ATP2C2: variants seen among roughly 807,000 people sequenced by gnomAD.
ATP2C2 encodes the protein calcium-transporting ATPase type 2C member 2.
Under a neutral mutation model 110.8 loss-of-function variants are expected in ATP2C2, and 171 were observed. The ratio of observed to expected loss-of-function variants is 1.54; its 90% CI spans 1.36 to 1.75. The LOEUF is 1.75. Ranked by LOEUF, ATP2C2 falls within the 40% of genes most tolerant of loss-of-function variation. ATP2C2 has a pLI of 0.00. For synonymous variants in ATP2C2, 804 were observed against 508.4 expected, an observed-to-expected ratio of 1.58 and a Z score of -7.82; for missense variants, 1,963 against 1,235.0, an observed-to-expected ratio of 1.59 and a Z score of -8.84.
intron 11 of ATP2C2, among the ~76,000 whole-genome samples, chr16:84,427,656 G>A (rs1350842602): frequency 6.6e-6 from 1 of 152,170 alleles, no homozygotes; most frequent in Non-Finnish European, 1.5e-5. Flanking sequence ...GGTGGAGTTT[G>A]CAGTGAGCCG....
chr16:84,386,571 C>G (rs1269159572), intron 1 of ATP2C2, among the ~76,000 whole-genome samples: 1 of 152,210 alleles, frequency 6.6e-6, no homozygotes, highest in Non-Finnish European at 1.5e-5. Context: ...AAGTATCTCA[C>G]TTTGTCCTGT....
chr16:84,460,510 G>A (rs1251259151), intron 23 of ATP2C2, 144 bp from the exon 24 acceptor site: 4 of 1,124,762 alleles, frequency 3.6e-6, no homozygotes, highest in Non-Finnish European at 5.3e-6. Flanking sequence ...GAGGAGGGCA[G>A]GTGCGATGCC....
intron 2 of ATP2C2, among the ~76,000 whole-genome samples, chr16:84,403,697 T>G (rs1211379049): frequency 6.6e-6 from 1 of 151,958 alleles, no homozygotes; most frequent in Non-Finnish European, 1.5e-5. Flanking sequence ...AGAATTCTTT[T>G]TTTTTTTCTT....
At chr16:84,394,002 C>CAAAAAAAAAAAAAAAAAAA (rs202138049) in intron 1 of ATP2C2, among the ~76,000 whole-genome samples, 1 of 117,454 alleles carries the variant, frequency 8.5e-6, no homozygotes, top group African/African-American at 3.3e-5. Context: ...TTAAAAATAC[C>CAAAAAAAAAAAAAAAAAAA]AAAAAAAATA....
At chr16:84,451,886 C>T (rs781237395) in intron 17 of ATP2C2, 35 bp from the exon 18 acceptor site, 37 of 1,588,370 alleles carry the variant, frequency 2.3e-5, no homozygotes, top group Admixed American at 1.2e-4. Context: ...CCCTAAGCCC[C>T]CGGTGACCCC....
rs773733800 is a variant in ATP2C2 at position 84,460,679 on chromosome 16, G to C, written c.2359G>C (p.Asp787His). The part of the protein sequence containing the change: ...QSLGVEPVDK[D>H]AFRQPPRSVR... ...CTTGGGGGTAGAGCCCGTTGACAAA[G>C]ACGCCTTCAGGCAGCCACCACGGAG... The change falls in exon 24 of 27, where the codon GAC becomes CAC. Residue 787 changes from aspartate to histidine, a missense_variant. Asp to His is a moderately conservative substitution (Grantham distance 81). Transcript: ENST00000262429. 5 of 1,614,098 alleles carry C rather than the reference G, an allele frequency of 3.1e-6. No homozygotes were observed. In the African/African-American group the frequency reaches 5.3e-5, roughly 17 times the overall value.
At chr16:84,379,010 G>T (rs1910417475) in intron 1 of ATP2C2, among the ~76,000 whole-genome samples, 1 of 152,026 alleles carries the variant, frequency 6.6e-6, no homozygotes, top group Non-Finnish European at 1.5e-5. Context: ...ACACATGCAG[G>T]ATGTGCAGGT....
chr16:84,418,034 G>C (rs573384832), intron 7 of ATP2C2, among the ~76,000 whole-genome samples: 1 of 152,270 alleles, frequency 6.6e-6, no homozygotes, highest in South Asian at 2.1e-4. Context: ...CCCTTTCCTG[G>C]AGTTAAAACA....
chr16:84,423,558 G>C (rs1256080571), intron 10 of ATP2C2, among the ~76,000 whole-genome samples: 1 of 152,214 alleles, frequency 6.6e-6, no homozygotes, highest in Non-Finnish European at 1.5e-5. Context: ...CTCCTGGATA[G>C]CTCGCCTACA....
chr16:84,441,742 G>A (rs1052205020), intron 14 of ATP2C2, among the ~76,000 whole-genome samples: 1 of 152,202 alleles, frequency 6.6e-6, no homozygotes, highest in Non-Finnish European at 1.5e-5. Flanking sequence ...CCCACGTGGT[G>A]AAACCCCATC....
chr16:84,420,939 G>A (rs187302782), intron 7 of ATP2C2, among the ~76,000 whole-genome samples: 191 of 152,244 alleles, frequency 1.3e-3, no homozygotes, highest in African/African-American at 4.4e-3. Flanking sequence ...CTGAGTAGCT[G>A]GGATTACAGG....
intron 9 of ATP2C2, 81 bp downstream of exon 9, chr16:84,422,778 A>C: frequency 7.1e-7 from 1 of 1,402,698 alleles, no homozygotes. Context: ...AGCCTTGCCT[A>C]CTCCTTAGGA....
intron 1 of ATP2C2, among the ~76,000 whole-genome samples, chr16:84,395,496 T>C (rs1247670247): frequency 6.6e-6 from 1 of 151,266 alleles, no homozygotes; most frequent in Non-Finnish European, 1.5e-5. Flanking sequence ...TCTCACTCTG[T>C]TGCCCAGGCT....
At chr16:84,384,690 CACA>C (rs1904297849) in intron 1 of ATP2C2, among the ~76,000 whole-genome samples, 1 of 152,158 alleles carries the variant, frequency 6.6e-6, no homozygotes, top group Non-Finnish European at 1.5e-5. Flanking sequence ...GGATTACTAT[CACA>C]ACGTTTGCTG....
rs1372084955 is a variant in ATP2C2, at chr16:84,451,908, C to T, written c.1661-13C>T. On this transcript the variant is annotated splice_polypyrimidine_tract_variant and intron_variant, in intron 17 of 26. Transcript: ENST00000262429. ...CCCCCGGTGACCCCTCCTTACTCCC[C>T]CTCTCTCCTCAGTGCTGGCCCTGGC... is the stretch of plus-strand genomic sequence containing the variant. 6 of 1,609,400 alleles carry T rather than the reference C, an allele frequency of 3.7e-6. No individual in the cohort carries two copies. The East Asian group carries it at 6.7e-5, about 18-fold the overall frequency.
At chr16:84,416,748 C>T (rs60342538) in intron 7 of ATP2C2, among the ~76,000 whole-genome samples, 1 of 152,014 alleles carries the variant, frequency 6.6e-6, no homozygotes, top group Non-Finnish European at 1.5e-5. Context: ...GATACAGATC[C>T]TCTGTGGCCC....
intron 3 of ATP2C2, chr16:84,407,176 C>G (rs920667854): frequency 2.6e-5 from 4 of 152,214 alleles, no homozygotes; most frequent in African/African-American, 4.8e-5. Context: ...ATTCTCCTAT[C>G]TTTCCCCCAG....
intron 11 of ATP2C2, 194 bp from the exon 12 acceptor site, chr16:84,438,972 T>G: frequency 1.5e-6 from 1 of 682,338 alleles, no homozygotes; most frequent in Non-Finnish European, 2.3e-6. Flanking sequence ...GAGCGGGGTC[T>G]GCAGGGGAGG....
At chr16:84,432,059 G>C (rs964771117) in intron 11 of ATP2C2, among the ~76,000 whole-genome samples, 10 of 152,102 alleles carry the variant, frequency 6.6e-5, no homozygotes, top group Admixed American at 6.5e-4. Context: ...AAACCTGGAT[G>C]GCCGCTCCCC....
Sources: allele counts gnomAD v4.1 joint callset (sites outside exome capture counted in the v4.1 genomes callset), GRCh38; gene constraint gnomAD v4.1.1; transcripts MANE v1.5; gene names NCBI Gene and HGNC (gene_info 2026-07-23, HGNC 2026-07-21).